The following NPTN variants were observed in gnomAD, a reference collection of about 807,000 sequenced individuals.
The protein encoded by NPTN is SDR-1.
NPTN carries 5 observed loss-of-function variants against 42.7 expected under a neutral mutation model. The ratio of observed to expected loss-of-function variants is 0.12; its 90% CI spans 0.06 to 0.25. NPTN has a LOEUF of 0.25. Ranked by LOEUF, NPTN falls within the 10% of genes least tolerant of loss-of-function variation. The pLI is 1.00. For synonymous variants in NPTN, 180 were observed against 201.9 expected, an observed-to-expected ratio of 0.89 and a Z score of 0.92; for missense variants, 307 against 525.4, an observed-to-expected ratio of 0.58 and a Z score of 4.06.
At chr15:73,594,552 G>A (rs1230936300) in intron 2 of NPTN, among the ~76,000 whole-genome samples, 1 of 152,184 alleles carries the variant, frequency 6.6e-6, no homozygotes, top group African/African-American at 2.4e-5. Context: ...GAAAAACAGT[G>A]CTACACCAAG....
At chr15:73,625,374 G>A (rs978985189) in intron 1 of NPTN, among the ~76,000 whole-genome samples, 3 of 151,116 alleles carry the variant, frequency 2.0e-5, no homozygotes, top group East Asian at 1.9e-4. Context: ...TTTTTGAGAC[G>A]GAGTCTGGCC....
At chr15:73,631,330 T>C (rs1417414525) in intron 1 of NPTN, among the ~76,000 whole-genome samples, 4 of 152,212 alleles carry the variant, frequency 2.6e-5, no homozygotes, top group Non-Finnish European at 4.4e-5. Context: ...AACTCTACCC[T>C]GCCTTCCACA....
In NPTN at chr15:73,569,090, C is replaced by A; in HGVS notation, c.1114+1060G>T. On this transcript the variant is annotated intron_variant, in intron 6 of 8. Transcript: ENST00000345330. This position sits in a 1 kb window ranked among gnomAD's most constrained non-coding sequence, Gnocchi z 4.1. ...GAACAGCTGGACTACAGCTGGCAAC[C>A]CCACCATCACCCCGGGTAGGCTACC... is the stretch of plus-strand genomic sequence containing the variant. The A allele has an allele frequency of 3.0e-6, 3 of 985,834 alleles. No individual in the cohort carries two copies. The highest frequency in any genetic ancestry group is 3.6e-6 in the Non-Finnish European group (3 of 830,266). The allele number at this position is 985,834 out of a possible 1,614,324, so 61.1% of individuals were successfully genotyped here.
At chr15:73,572,973 A>G (rs1895494724) in intron 5 of NPTN, among the ~76,000 whole-genome samples, 1 of 151,964 alleles carries the variant, frequency 6.6e-6, no homozygotes, top group Non-Finnish European at 1.5e-5. Context: ...AGTGTGTAGC[A>G]TCTCCCTCCT....
chr15:73,570,067 C>T lies in NPTN; in HGVS notation c.1114+83G>A. Reference sequence around the variant, plus strand: ...TCCTTTAGGGATTGAATCCCAACATCCCTATAGTCCTCTTTGGGTACTTGG... The same window carrying T: ...TCCTTTAGGGATTGAATCCCAACATTCCTATAGTCCTCTTTGGGTACTTGG... On this transcript the variant is annotated intron_variant, in intron 6 of 8. Coordinates refer to ENST00000345330, the MANE Select transcript of NPTN (RefSeq NM_012428.4). This position sits in a 1 kb window ranked among gnomAD's most constrained non-coding sequence, Gnocchi z 4.0. 2 of 1,370,438 alleles carry T rather than the reference C, an allele frequency of 1.5e-6. No individual in the cohort carries two copies. The highest frequency in any genetic ancestry group is 2.0e-6 in the Non-Finnish European group (2 of 1,019,448). The allele number at this position is 1,370,438 out of a possible 1,614,324, so 84.9% of individuals were successfully genotyped here.
chr15:73,562,097 A>C (rs1040110272), intron 7 of NPTN, 127 bp from the exon 8 acceptor site: 1 of 686,680 alleles, frequency 1.5e-6, no homozygotes, highest in African/African-American at 1.9e-5. Flanking sequence ...TTTGTGGCAC[A>C]ATATGAGTGC....
chr15:73,573,879 G>C, intron 4 of NPTN, 84 bp from the exon 5 acceptor site: 1 of 1,512,680 alleles, frequency 6.6e-7, no homozygotes, highest in Non-Finnish European at 9.0e-7. Flanking sequence ...TCAGAGCCCT[G>C]CTTGTAATGT....
chr15:73,597,221 G>A lies in NPTN; in HGVS notation c.240C>T (p.Asp80=), dbSNP rs1266645341. The part of the protein sequence containing the change: ...NRAESFRQLW[D]GARKRRVTVN... Reference sequence around the variant, plus strand: ...CGGTGACACGGCGCTTCCGAGCACCGTCCCACAGCTGTCTGAAAGACTCTG... The same window carrying A: ...CGGTGACACGGCGCTTCCGAGCACCATCCCACAGCTGTCTGAAAGACTCTG... Residue 80 remains aspartate, a synonymous_variant, in exon 2 of 9, where the codon GAC becomes GAT. Transcript: ENST00000345330. This position sits in a 1 kb window ranked among gnomAD's most constrained non-coding sequence, Gnocchi z 6.3. 7 of 1,613,972 alleles carry A rather than the reference G, an allele frequency of 4.3e-6. No individual in the cohort carries two copies. Among genetic ancestry groups the A allele is most frequent in the African/African-American group, 1.3e-5 (1 of 74,896 alleles).
chr15:73,572,788 C>G (rs1895481686), intron 5 of NPTN, among the ~76,000 whole-genome samples: 1 of 152,180 alleles, frequency 6.6e-6, no homozygotes, highest in African/African-American at 2.4e-5. Flanking sequence ...CTTTCAGTGT[C>G]CTATCCTGAA....
intron 6 of NPTN, chr15:73,567,884 G>C (rs1895125186): frequency 7.1e-6 from 7 of 985,334 alleles, no homozygotes; most frequent in Non-Finnish European, 7.2e-6. Context: ...CGAAGTAAAC[G>C]CTGCTTTCAT....
intron 3 of NPTN, among the ~76,000 whole-genome samples, chr15:73,589,205 G>A (rs1017239275): frequency 6.6e-6 from 1 of 151,978 alleles, no homozygotes; most frequent in African/African-American, 2.4e-5. Flanking sequence ...GGTGGTGCAC[G>A]TATAGTCCTA....
At chr15:73,595,977 G>A (rs1896819126) in intron 2 of NPTN, among the ~76,000 whole-genome samples, 1 of 152,232 alleles carries the variant, frequency 6.6e-6, no homozygotes, top group Non-Finnish European at 1.5e-5. Context: ...CAGGTTGGAA[G>A]TTAGTTTCCT....
Position 73,578,105 on chromosome 15 carries a change from C to T in NPTN, c.707-4310G>A, listed in dbSNP as rs145658109. The stretch of plus-strand genomic sequence containing the variant: ...GAGGATTTGATTGGAACATAGTAAG[C>T]AAGGAGAAGAGAGCAGGAAATAAAA... On this transcript the variant is annotated intron_variant, in intron 4 of 8. Coordinates refer to ENST00000345330, the MANE Select transcript of NPTN (RefSeq NM_012428.4). Among the ~76,000 whole-genome samples the T allele has an allele frequency of 1.1e-4, 17 of 152,088 alleles. No homozygotes were observed. The East Asian group carries it at 3.3e-3, about 29-fold the overall frequency.
chr15:73,561,709 G>A (rs186145104), intron 8 of NPTN, among the ~76,000 whole-genome samples, 187 bp downstream of exon 8: 3 of 152,156 alleles, frequency 2.0e-5, no homozygotes, highest in Admixed American at 1.3e-4. Context: ...AAAAAACAAC[G>A]CAGCTGAAAA....
intron 1 of NPTN, among the ~76,000 whole-genome samples, chr15:73,607,474 T>C (rs1382420350): frequency 1.3e-5 from 2 of 152,154 alleles, no homozygotes; most frequent in Admixed American, 6.5e-5. Flanking sequence ...ACACAAGCAG[T>C]CCAAGCTGAT....
chr15:73,631,278 T>C (rs1013658357), intron 1 of NPTN, among the ~76,000 whole-genome samples: 1 of 152,210 alleles, frequency 6.6e-6, no homozygotes, highest in African/African-American at 2.4e-5. Context: ...CTTCTTTAAG[T>C]CATGTTGACA....
chr15:73,603,789 G>T (rs1897170993), intron 1 of NPTN, among the ~76,000 whole-genome samples: 1 of 152,198 alleles, frequency 6.6e-6, no homozygotes, highest in African/African-American at 2.4e-5. Flanking sequence ...AATATAAGAT[G>T]TAGTTATGGA....
Position 73,569,186 on chromosome 15 carries a change from A to G in NPTN, c.1114+964T>C. The G allele has an allele frequency of 1.0e-6, 1 of 985,476 alleles. No homozygotes were observed. Among genetic ancestry groups the G allele is most frequent in the Non-Finnish European group, 1.2e-6 (1 of 829,994 alleles). The allele number at this position is 985,476 out of a possible 1,614,324, so 61.0% of individuals were successfully genotyped here. ...GACTAGTGGTGGTAACAGTCGGCCA[A>G]TTAATTTCTGTACGCCGGTCATGTT... On this transcript the variant is annotated intron_variant, in intron 6 of 8. Transcript: ENST00000345330. This position sits in a 1 kb window ranked among gnomAD's most constrained non-coding sequence, Gnocchi z 4.1.
intron 3 of NPTN, among the ~76,000 whole-genome samples, chr15:73,589,057 C>G (rs1351211269): frequency 2.0e-5 from 3 of 152,068 alleles, no homozygotes; most frequent in Non-Finnish European, 2.9e-5. Flanking sequence ...ATGGGTCAGG[C>G]GTGGTGGCTC....
Sources: allele counts gnomAD v4.1 joint callset (sites outside exome capture counted in the v4.1 genomes callset), GRCh38; gene constraint gnomAD v4.1.1; non-coding constraint Gnocchi (gnomAD v3.1); transcripts MANE v1.5; gene names NCBI Gene and HGNC (gene_info 2026-07-23, HGNC 2026-07-21).